KCND2: variants seen among roughly 807,000 people sequenced by gnomAD.
KCND2 encodes the protein A-type voltage-gated potassium channel KCND2.
KCND2 carries 16 observed loss-of-function variants against 54.4 expected under a neutral mutation model. That is an observed-to-expected ratio of 0.29 (90% CI 0.20 to 0.45). The LOEUF is 0.45. Ranked by LOEUF, KCND2 falls within the 20% of genes least tolerant of loss-of-function variation. KCND2 has a pLI of 1.00. For missense variants in KCND2, 486 were observed against 824.2 expected, an observed-to-expected ratio of 0.59 and a Z score of 5.02; for synonymous variants, 317 against 310.7, an observed-to-expected ratio of 1.02 and a Z score of -0.21.
intron 1 of KCND2, among the ~76,000 whole-genome samples, chr7:120,487,132 G>A (rs1223567158): frequency 6.6e-6 from 1 of 152,044 alleles, no homozygotes; most frequent in Non-Finnish European, 1.5e-5. Flanking sequence ...CCCAATGCCT[G>A]GCATCTGCAT....
intron 1 of KCND2, among the ~76,000 whole-genome samples, chr7:120,664,288 CT>C (rs1191537127): frequency 1.2e-4 from 19 of 152,080 alleles, no homozygotes; most frequent in Admixed American, 1.2e-3. Context: ...GGCCAAATTA[CT>C]TTATAAACCA....
At chr7:120,280,901 C>T (rs993627963) in intron 1 of KCND2, among the ~76,000 whole-genome samples, 1 of 152,052 alleles carries the variant, frequency 6.6e-6, no homozygotes, top group African/African-American at 2.4e-5. Context: ...GCATTTCTCC[C>T]TTAGTTCTAT....
chr7:120,636,305 T>G (rs1793304330), intron 1 of KCND2, among the ~76,000 whole-genome samples: 1 of 151,950 alleles, frequency 6.6e-6, no homozygotes, highest in Non-Finnish European at 1.5e-5. Context: ...TGTAAGGGTG[T>G]TATGGAGGTT....
intron 1 of KCND2, among the ~76,000 whole-genome samples, chr7:120,538,016 A>G (rs1284865654): frequency 2.0e-5 from 3 of 152,208 alleles, no homozygotes; most frequent in Admixed American, 2.0e-4. Context: ...TTTGGGCAAG[A>G]GGCCTAGGTT....
At chr7:120,348,762 T>A (rs1383184487) in intron 1 of KCND2, among the ~76,000 whole-genome samples, 1 of 152,238 alleles carries the variant, frequency 6.6e-6, no homozygotes, top group Non-Finnish European at 1.5e-5. Flanking sequence ...TAGGGATTAT[T>A]CATATCTTTA....
At chr7:120,595,541 GTA>G (rs1792731859) in intron 1 of KCND2, among the ~76,000 whole-genome samples, 3 of 135,818 alleles carry the variant, frequency 2.2e-5, no homozygotes, top group African/African-American at 2.7e-5. Context: ...GTATATATAT[GTA>G]TATGTGTGTG....
chr7:120,605,262 A>G (rs1013918385), intron 1 of KCND2, among the ~76,000 whole-genome samples: 1 of 151,850 alleles, frequency 6.6e-6, no homozygotes, highest in Non-Finnish European at 1.5e-5. Context: ...TCACCACTTT[A>G]CTCTATGTCT....
chr7:120,509,545 C>G (rs973531441), intron 1 of KCND2, among the ~76,000 whole-genome samples: 1 of 152,054 alleles, frequency 6.6e-6, no homozygotes, highest in African/African-American at 2.4e-5. Context: ...CTTCACAGAG[C>G]TCAAGTTTCT....
chr7:120,449,933 A>T (rs973135083), intron 1 of KCND2, among the ~76,000 whole-genome samples: 1 of 152,268 alleles, frequency 6.6e-6, no homozygotes, highest in African/African-American at 2.4e-5. Flanking sequence ...ATTGAAGAGA[A>T]CAAATTGATA....
chr7:120,575,846 G>A (rs1023906743), intron 1 of KCND2, among the ~76,000 whole-genome samples: 6 of 139,124 alleles, frequency 4.3e-5, no homozygotes, highest in African/African-American at 8.0e-5. Flanking sequence ...GCCCTTGCAA[G>A]AATTTTCCAA....
chr7:120,564,096 C>T (rs371332719), intron 1 of KCND2, among the ~76,000 whole-genome samples: 36 of 152,016 alleles, frequency 2.4e-4, no homozygotes, highest in African/African-American at 8.7e-4. Flanking sequence ...AATAACTTTC[C>T]ACAAGCCTTT....
At chr7:120,688,572 T>G (rs1013557696) in intron 1 of KCND2, among the ~76,000 whole-genome samples, 97 of 152,306 alleles carry the variant, frequency 6.4e-4, no homozygotes, top group African/African-American at 2.3e-3. Flanking sequence ...TTTGTTGTCC[T>G]GATCTCCTTG....
intron 1 of KCND2, among the ~76,000 whole-genome samples, chr7:120,293,678 T>C (rs1464231561): frequency 6.6e-6 from 1 of 151,908 alleles, no homozygotes. Context: ...TAATGAGTAA[T>C]TACCCTGAGT....
intron 1 of KCND2, among the ~76,000 whole-genome samples, chr7:120,594,620 C>A (rs1005405927): frequency 2.0e-4 from 31 of 152,184 alleles, no homozygotes; most frequent in African/African-American, 7.2e-4. Flanking sequence ...TACAGATTGG[C>A]ATTGGGAAAT....
At chr7:120,687,054 C>G (rs143790351) in intron 1 of KCND2, among the ~76,000 whole-genome samples, 1 of 152,014 alleles carries the variant, frequency 6.6e-6, no homozygotes, top group Admixed American at 6.6e-5. Flanking sequence ...CCTCTCCTAC[C>G]CTGCTCATGT....
At chr7:120,663,956 A>T (rs192997746) in intron 1 of KCND2, among the ~76,000 whole-genome samples, 1 of 150,286 alleles carries the variant, frequency 6.7e-6, no homozygotes, top group African/African-American at 2.4e-5. Flanking sequence ...TGCATAGGAG[A>T]AAAGAGGTCT....
intron 1 of KCND2, among the ~76,000 whole-genome samples, chr7:120,408,973 A>T (rs1563036762): frequency 1.3e-5 from 2 of 151,932 alleles, no homozygotes; most frequent in Non-Finnish European, 2.9e-5. Context: ...GTCAAGTATT[A>T]CTCTGTACAT....
chr7:120,615,940 AC>A (rs1252203223), intron 1 of KCND2, among the ~76,000 whole-genome samples: 1 of 152,042 alleles, frequency 6.6e-6, no homozygotes, highest in African/African-American at 2.4e-5. Flanking sequence ...TGCTTTTCTG[AC>A]TTTTAACGGT....
chr7:120,282,535 T>C (rs757552010), intron 1 of KCND2, among the ~76,000 whole-genome samples: 5 of 152,118 alleles, frequency 3.3e-5, no homozygotes, highest in Admixed American at 6.6e-5. Context: ...GTCTATTATG[T>C]AATGATCTAA....
Sources: allele counts gnomAD v4.1 joint callset (sites outside exome capture counted in the v4.1 genomes callset), GRCh38; gene constraint gnomAD v4.1.1; transcripts MANE v1.5; gene names NCBI Gene and HGNC (gene_info 2026-07-23, HGNC 2026-07-21).